Variants in OR13A1 observed in about 807,000 individuals in gnomAD.
The protein encoded by OR13A1 is olfactory receptor 13A1.
In OR13A1, 10 loss-of-function variants were observed where a neutral mutation model predicts 7.5. The observed-to-expected ratio is 1.34, with a 90% confidence interval of 0.83 to 2.27. The LOEUF (loss-of-function observed/expected upper bound fraction) is 2.27, where lower values mean the gene tolerates loss of function less well. Ranked by LOEUF, OR13A1 falls within the 30% of genes most tolerant of loss-of-function variation. The pLI is 0.00. For missense variants in OR13A1, 509 were observed against 419.1 expected (o/e 1.21, Z -1.87); for synonymous variants, 238 against 177.9 (o/e 1.34, Z -2.69).
rs145876017 is a variant in OR13A1 at position 45,310,407 on chromosome 10, AG to A, written c.-224-2600del. Reference sequence around the variant, plus strand: ...ACGTGATGATTCTCTTTACCATAAAAGTTGCCATAACCTCTACATTTTAGTT... The same window carrying A: ...ACGTGATGATTCTCTTTACCATAAAATTGCCATAACCTCTACATTTTAGTT... On this transcript the variant is annotated intron_variant, in intron 1 of 3. Coordinates refer to ENST00000553795, the MANE Select transcript of OR13A1 (RefSeq NM_001004297.3). 5.9e-3 allele frequency among the ~76,000 whole-genome samples: 894 copies of A among 152,346 alleles called. 6 individuals are homozygous for A. Among genetic ancestry groups the A allele is most frequent in the African/African-American group, 0.019 (807 of 41,576 alleles).
At chr10:45,308,930 T>C (rs1181371589) in intron 1 of OR13A1, 1 of 152,258 alleles carries the variant, frequency 6.6e-6, no homozygotes, top group African/African-American at 2.4e-5. Flanking sequence ...TAGCAACATT[T>C]GTCACTGCCT....
intron 3 of OR13A1, 133 bp from the exon 4 acceptor site, chr10:45,304,567 A>G (rs577351778): frequency 1.4e-6 from 1 of 732,066 alleles, no homozygotes; most frequent in Non-Finnish European, 2.2e-6. Flanking sequence ...TTACAGTAGA[A>G]AAAAGGCGTG....
At chr10:45,311,330 G>A (rs1838441715) in intron 1 of OR13A1, among the ~76,000 whole-genome samples, 1 of 152,106 alleles carries the variant, frequency 6.6e-6, no homozygotes, top group African/African-American at 2.4e-5. Flanking sequence ...TTGTATCAGA[G>A]CTCCTCAACT....
At chr10:45,312,225 T>C (rs547042771) in intron 1 of OR13A1, among the ~76,000 whole-genome samples, 1 of 151,930 alleles carries the variant, frequency 6.6e-6, no homozygotes, top group Non-Finnish European at 1.5e-5. Flanking sequence ...CTAAATGTAA[T>C]GAAAAATATA....
chr10:45,304,219 C>A lies in OR13A1; in HGVS notation c.204G>T (p.Thr68=). The A allele has an allele frequency of 3.1e-6, 5 of 1,614,144 alleles. No individual in the cohort carries two copies. The highest frequency in any genetic ancestry group is 2.2e-5 in the East Asian group (1 of 44,874). ...TAGGAGCGTGGAGCCCAGGGTTGAACGTGATGGCCAAGGTGATGAGGACAT... is the reference window on the plus strand; with the variant it reads ...TAGGAGCGTGGAGCCCAGGGTTGAAAGTGATGGCCAAGGTGATGAGGACAT... ...TGNVLITLAI[T]FNPGLHAPMY... Residue 68 remains threonine, a synonymous_variant, in exon 4 of 4, where the codon ACG becomes ACT. Transcript: ENST00000553795.
chr10:45,305,126 T>A (rs1838301017), intron 3 of OR13A1, among the ~76,000 whole-genome samples: 1 of 152,008 alleles, frequency 6.6e-6, no homozygotes, highest in Non-Finnish European at 1.5e-5. Flanking sequence ...TCCCAGCTAC[T>A]TGGAAGGCTG....
intron 3 of OR13A1, among the ~76,000 whole-genome samples, chr10:45,307,126 T>A (rs1204755459): frequency 6.6e-6 from 1 of 152,062 alleles, no homozygotes; most frequent in Admixed American, 6.5e-5. Context: ...CACTCCACAG[T>A]GCATATTACA....
chr10:45,311,026 G>A (rs951893253), intron 1 of OR13A1, among the ~76,000 whole-genome samples: 1 of 152,180 alleles, frequency 6.6e-6, no homozygotes, highest in Admixed American at 6.5e-5. Context: ...TAGGATCTGT[G>A]CTGCGAGATG....
At chr10:45,308,862 G>A (rs185256580) in intron 1 of OR13A1, 57 of 152,276 alleles carry the variant, frequency 3.7e-4, no homozygotes, top group African/African-American at 1.3e-3. Flanking sequence ...GTTCAGGACT[G>A]AACAAGGTTT....
chr10:45,312,704 T>C (rs1838465821), intron 1 of OR13A1, among the ~76,000 whole-genome samples: 1 of 152,034 alleles, frequency 6.6e-6, no homozygotes, highest in South Asian at 2.1e-4. Context: ...AAAGGAAGCC[T>C]TTATAAAATT....
At position 45,304,064 on chromosome 10, in the gene OR13A1, T is replaced by C. The variant is rs1174694004; in HGVS notation, c.359A>G (p.Tyr120Cys). ...TGAGGATGCAGCCCACGTGAGGAAATAGAGCTGGGCCATGCAGCCCCCGTA... is the reference window on the plus strand; with the variant it reads ...TGAGGATGCAGCCCACGTGAGGAAACAGAGCTGGGCCATGCAGCCCCCGTA... ...ISYGGCMAQL[Y>C]FLTWAASSEL... is the part of the protein sequence containing the mutation. The change falls in exon 4 of 4, where the codon TAT (tyrosine) becomes TGT (cysteine). Residue 120 changes from tyrosine (Y) to cysteine (C), a missense_variant. By Grantham distance (194) the Tyr-to-Cys change is radical. Coordinates refer to ENST00000553795, the MANE Select transcript of OR13A1 (RefSeq NM_001004297.3). 1.2e-6 allele frequency: 2 copies of C among 1,613,672 alleles called. No individual in the cohort carries two copies. The highest frequency in any genetic ancestry group is 2.2e-5 in the East Asian group (1 of 44,866).
chr10:45,303,169 T>C lies in OR13A1; in HGVS notation c.*267A>G. On this transcript the variant is annotated 3_prime_UTR_variant, in exon 4 of 4. Coordinates refer to ENST00000553795, the MANE Select transcript of OR13A1 (RefSeq NM_001004297.3). ...GAAAACACAAGGAACACTTTTCTCC[T>C]CCTAGGCCCTGTGTTTCTCTGCCAA... 2 of 436,184 alleles carry C rather than the reference T, an allele frequency of 4.6e-6. No individual in the cohort carries two copies. The highest frequency in any genetic ancestry group is 7.3e-5 in the East Asian group (2 of 27,362). 27.0% of individuals were successfully genotyped at this position (436,184 alleles called of 1,614,324 possible).
intron 1 of OR13A1, among the ~76,000 whole-genome samples, chr10:45,314,949 G>A (rs1838498927): frequency 6.6e-6 from 1 of 152,132 alleles, no homozygotes; most frequent in Admixed American, 6.5e-5. Flanking sequence ...CCCAGAACCG[G>A]ATGACTACCA....
At chr10:45,304,565 G>C in intron 3 of OR13A1, 131 bp from the exon 4 acceptor site, 1 of 728,468 alleles carries the variant, frequency 1.4e-6, no homozygotes, top group Non-Finnish European at 2.2e-6. Flanking sequence ...TATTACAGTA[G>C]AAAAAAGGCG....
intron 1 of OR13A1, among the ~76,000 whole-genome samples, chr10:45,311,705 A>G (rs1361481225): frequency 6.6e-6 from 1 of 152,080 alleles, no homozygotes; most frequent in Admixed American, 6.6e-5. Context: ...AGGAGAAGGG[A>G]GAGGAACAGA....
chr10:45,309,062 T>C (rs1333908918), intron 1 of OR13A1, among the ~76,000 whole-genome samples: 3 of 152,174 alleles, frequency 2.0e-5, no homozygotes, highest in Non-Finnish European at 2.9e-5. Flanking sequence ...GAAAGGCCAA[T>C]TCAGATTTCT....
In OR13A1 at chr10:45,303,831, C is replaced by T. The variant is rs768334723; in HGVS notation, c.592G>A (p.Glu198Lys). Residue 198 changes from glutamate to lysine, a missense_variant, in exon 4 of 4, where the codon GAG becomes AAG. Glu to Lys is a moderately conservative substitution (Grantham distance 56). Coordinates refer to ENST00000553795, the MANE Select transcript of OR13A1 (RefSeq NM_001004297.3). Reference sequence around the variant, plus strand: ...GAGAGAAGCAGCAGGGGAGGGACCTCGCAGAAGAAATGGATAATGACATTG... The same window carrying T: ...GAGAGAAGCAGCAGGGGAGGGACCTTGCAGAAGAAATGGATAATGACATTG... ...GPNVIIHFFC[E>K]VPPLLLLSCS... 1.2e-6 allele frequency: 2 copies of T among 1,612,812 alleles called. No homozygotes were observed. The highest frequency in any genetic ancestry group is 8.5e-7 in the Non-Finnish European group (1 of 1,180,036).
At chr10:45,302,501 T>G (rs148076289), downstream of OR13A1, 1 of 152,180 alleles carries the variant, frequency 6.6e-6, no homozygotes, top group Admixed American at 6.5e-5. Context: ...AACCATCCCA[T>G]CTAAATCAAA....
chr10:45,304,333 G>A lies in OR13A1; in HGVS notation c.90C>T (p.Phe30=). The A allele has an allele frequency of 6.2e-7, 1 of 1,614,166 alleles. No individual in the cohort carries two copies. ...MMSNQTLVTE[F]ILQGFSEHPE... Reference sequence around the variant, plus strand: ...GGTGCTCCGAAAAGCCCTGCAGGATGAACTCGGTTACCAACGTCTGGTTAC... The same window carrying A: ...GGTGCTCCGAAAAGCCCTGCAGGATAAACTCGGTTACCAACGTCTGGTTAC... Residue 30 remains phenylalanine (F), a synonymous_variant, in exon 4 of 4, where the codon TTC becomes TTT. Coordinates refer to ENST00000553795, the MANE Select transcript of OR13A1 (RefSeq NM_001004297.3).
Sources: allele counts gnomAD v4.1 joint callset (sites outside exome capture counted in the v4.1 genomes callset), GRCh38; gene constraint gnomAD v4.1.1; transcripts MANE v1.5; gene names NCBI Gene and HGNC (gene_info 2026-07-23, HGNC 2026-07-21).